The following DLGAP2 variants were observed in gnomAD, a reference collection of about 807,000 sequenced individuals.
DLGAP2 encodes DLG associated protein 2.
Under a neutral mutation model 100.3 loss-of-function variants are expected in DLGAP2, and 26 were observed. The ratio of observed to expected loss-of-function variants is 0.26; its 90% CI spans 0.19 to 0.36. The LOEUF (loss-of-function observed/expected upper bound fraction) is 0.36, where lower values mean the gene tolerates loss of function less well. DLGAP2 is among the 10% of genes least tolerant of loss of function. The pLI is 1.00. For synonymous variants in DLGAP2, 886 were observed against 630.1 expected (o/e 1.41, Z -6.08); for missense variants, 1,858 against 1,453.2 (o/e 1.28, Z -4.53).
chr8:823,706 TTTG>T (rs1251838387), intron 1 of DLGAP2, among the ~76,000 whole-genome samples: 2 of 152,200 alleles, frequency 1.3e-5, no homozygotes, highest in African/African-American at 4.8e-5. Flanking sequence ...TCGAAATGTT[TTTG>T]TTGTTGATGT....
intron 2 of DLGAP2, among the ~76,000 whole-genome samples, chr8:1,100,322 A>T (rs532885164): frequency 6.6e-6 from 1 of 152,074 alleles, no homozygotes; most frequent in Non-Finnish European, 1.5e-5. Flanking sequence ...ACCTTTGTCC[A>T]GCATGTCCAC....
intron 3 of DLGAP2, among the ~76,000 whole-genome samples, chr8:1,370,007 C>A (rs906354928): frequency 6.6e-6 from 1 of 152,144 alleles, no homozygotes; most frequent in Non-Finnish European, 1.5e-5. Context: ...CAGTTGCCCT[C>A]AGACCTGAGT....
At chr8:1,368,306 T>C (rs1802156673) in intron 3 of DLGAP2, among the ~76,000 whole-genome samples, 1 of 151,912 alleles carries the variant, frequency 6.6e-6, no homozygotes, top group Non-Finnish European at 1.5e-5. Context: ...TGTATGTGCA[T>C]GTGCATAGCT....
chr8:1,141,591 A>G (rs1796523509), intron 2 of DLGAP2, among the ~76,000 whole-genome samples: 1 of 152,174 alleles, frequency 6.6e-6, no homozygotes, highest in Non-Finnish European at 1.5e-5. Context: ...AGATTACACC[A>G]ATTCTAGAAT....
chr8:1,474,230 G>T (rs1156914726), intron 3 of DLGAP2, among the ~76,000 whole-genome samples: 3 of 152,164 alleles, frequency 2.0e-5, no homozygotes, highest in African/African-American at 7.2e-5. Context: ...TTTTTTGGCT[G>T]ATTTGTATTC....
intron 2 of DLGAP2, among the ~76,000 whole-genome samples, chr8:1,227,338 A>C (rs892565580): frequency 7.0e-6 from 1 of 142,746 alleles, no homozygotes; most frequent in East Asian, 2.1e-4. Flanking sequence ...GTCTGTTTTT[A>C]TTTTTTTTTT....
intron 2 of DLGAP2, among the ~76,000 whole-genome samples, chr8:1,075,888 G>T (rs1474701775): frequency 6.6e-6 from 1 of 150,532 alleles, no homozygotes; most frequent in East Asian, 2.0e-4. Context: ...GCAACGGAGG[G>T]AGACCTCATC....
At chr8:1,558,005 CG>C in intron 5 of DLGAP2, among the ~76,000 whole-genome samples, 1 of 152,218 alleles carries the variant, frequency 6.6e-6, no homozygotes, top group East Asian at 1.9e-4. Flanking sequence ...AGCTTTCTCC[CG>C]CTGAATGGCT....
At chr8:1,698,941 A>T (rs1799490741) in intron 14 of DLGAP2, among the ~76,000 whole-genome samples, 1 of 151,952 alleles carries the variant, frequency 6.6e-6, no homozygotes, top group African/African-American at 2.4e-5. Context: ...GGTCTGCATA[A>T]GCCATGCATG....
At chr8:1,179,700 C>G (rs1412754477) in intron 2 of DLGAP2, among the ~76,000 whole-genome samples, 4 of 152,224 alleles carry the variant, frequency 2.6e-5, no homozygotes, top group Non-Finnish European at 4.4e-5. Context: ...CCTGGAATAT[C>G]AGGGGCCACC....
chr8:1,371,180 G>A (rs914063246), intron 3 of DLGAP2, among the ~76,000 whole-genome samples: 21 of 152,190 alleles, frequency 1.4e-4, no homozygotes, highest in Admixed American at 7.2e-4. Flanking sequence ...TTTTGCCTCC[G>A]TCCTGTATGC....
chr8:1,693,077 ATATT>A (rs943646768), intron 13 of DLGAP2, among the ~76,000 whole-genome samples: 39 of 148,244 alleles, frequency 2.6e-4, no homozygotes, highest in Admixed American at 2.4e-3. Flanking sequence ...ATAAACATAT[ATATT>A]AACATGTATA....
chr8:1,318,762 CCATT>C (rs1237552231), intron 3 of DLGAP2, among the ~76,000 whole-genome samples: 2 of 148,086 alleles, frequency 1.4e-5, no homozygotes, highest in Non-Finnish European at 3.0e-5. Flanking sequence ...TGTAACTAAT[CCATT>C]GTCAGTGATC....
chr8:1,444,850 G>C (rs1440629293), intron 3 of DLGAP2, among the ~76,000 whole-genome samples: 1 of 144,726 alleles, frequency 6.9e-6, no homozygotes, highest in Non-Finnish European at 1.5e-5. Context: ...CGTGACCTCG[G>C]CTGACTGCAA....
At chr8:940,248 G>A (rs1799163544) in intron 2 of DLGAP2, among the ~76,000 whole-genome samples, 1 of 151,986 alleles carries the variant, frequency 6.6e-6, no homozygotes. Flanking sequence ...AACAATAATG[G>A]CGACATTCTG....
intron 4 of DLGAP2, among the ~76,000 whole-genome samples, chr8:1,537,588 T>G (rs989916728): frequency 6.6e-6 from 1 of 152,136 alleles, no homozygotes; most frequent in Non-Finnish European, 1.5e-5. Flanking sequence ...CACCAGATCT[T>G]GCTTCCGTAG....
chr8:1,371,003 T>C (rs1802223612), intron 3 of DLGAP2, among the ~76,000 whole-genome samples: 1 of 152,266 alleles, frequency 6.6e-6, no homozygotes, highest in African/African-American at 2.4e-5. Context: ...AAGTAGTTTA[T>C]GTGTCAGCCA....
At chr8:1,167,465 G>A (rs75375817) in intron 2 of DLGAP2, among the ~76,000 whole-genome samples, 1 of 152,308 alleles carries the variant, frequency 6.6e-6, no homozygotes, top group East Asian at 1.9e-4. Flanking sequence ...AGGGTTTTAT[G>A]CATGTCAAAC....
At chr8:1,297,524 CGTGAGA>C (rs1800213229) in intron 3 of DLGAP2, among the ~76,000 whole-genome samples, 1 of 140,550 alleles carries the variant, frequency 7.1e-6, no homozygotes, top group Non-Finnish European at 1.6e-5. Context: ...ACAGACACCA[CGTGAGA>C]CAGGGAGGAG....
Sources: allele counts gnomAD v4.1 joint callset (sites outside exome capture counted in the v4.1 genomes callset), GRCh38; gene constraint gnomAD v4.1.1; transcripts MANE v1.5; gene names NCBI Gene and HGNC (gene_info 2026-07-23, HGNC 2026-07-21).